LIPA: variants seen among roughly 807,000 people sequenced by gnomAD.
LIPA encodes the protein lipase A, lysosomal acid type.
In LIPA, 26 loss-of-function variants were observed where a neutral mutation model predicts 40.6. That is an observed-to-expected ratio of 0.64 (90% confidence interval 0.47 to 0.89). The LOEUF (loss-of-function observed/expected upper bound fraction) is 0.89, where lower values mean the gene tolerates loss of function less well. Ranked by LOEUF, LIPA falls within the 40% of genes least tolerant of loss-of-function variation. The pLI, the probability that LIPA is intolerant of heterozygous loss-of-function variation, is 0.00. For missense variants in LIPA, 455 were observed against 479.6 expected (o/e 0.95, Z 0.48); for synonymous variants, 188 against 168.4 (o/e 1.12, Z -0.90).
intron 2 of LIPA, among the ~76,000 whole-genome samples, chr10:89,391,530 T>A (rs1221849489): frequency 1.3e-5 from 2 of 152,034 alleles, no homozygotes; most frequent in East Asian, 1.9e-4. Flanking sequence ...ATTTTTTATT[T>A]TTTATTTATT....
intron 3 of LIPA, among the ~76,000 whole-genome samples, chr10:89,235,809 A>C (rs1378869812): frequency 6.6e-6 from 1 of 152,228 alleles, no homozygotes; most frequent in Admixed American, 6.5e-5. Flanking sequence ...GATTTGCTCA[A>C]CTCTCTCTGA....
intron 2 of LIPA, chr10:89,385,189 C>T (rs1844201612): frequency 1.9e-5 from 3 of 156,132 alleles, no homozygotes; most frequent in Admixed American, 1.9e-4. Context: ...CTCAAATAAA[C>T]TCTATACTTA....
intron 2 of LIPA, among the ~76,000 whole-genome samples, chr10:89,358,230 A>T (rs1460497957): frequency 1.3e-5 from 2 of 152,188 alleles, no homozygotes; most frequent in Non-Finnish European, 2.9e-5. Context: ...TCAAAACCAC[A>T]GTGAGATAGC....
At position 89,214,377 on chromosome 10, in the gene LIPA, T is replaced by C. The variant is rs1016594717; in HGVS notation, c.*451A>G. 1 of 163,556 alleles carries C rather than the reference T, an allele frequency of 6.1e-6. No homozygotes were observed. 10.1% of individuals were successfully genotyped at this position (163,556 alleles called of 1,614,324 possible). A position where few individuals can be genotyped will look rare whatever the true frequency, so the allele number is the denominator to read the frequency against. On this transcript the variant is annotated 3_prime_UTR_variant, in exon 10 of 10. Transcript: ENST00000336233. ...ATCTCTAACTACAAGACCGTTAGAC[T>C]AGAGAGCTCTTTAAGGCAAGGACAT...
chr10:89,332,475 C>T, intron 1 of LIPA: 1 of 1,524,348 alleles, frequency 6.6e-7, no homozygotes, highest in Non-Finnish European at 8.8e-7. Flanking sequence ...AGGGTTCCAT[C>T]AGTTTCACTT....
At chr10:89,248,214 T>G (rs1163647588) in intron 1 of LIPA, among the ~76,000 whole-genome samples, 1 of 149,272 alleles carries the variant, frequency 6.7e-6, no homozygotes, top group Non-Finnish European at 1.5e-5. Context: ...CAGGCTGGAG[T>G]GCAGTGGCAC....
intron 1 of LIPA, among the ~76,000 whole-genome samples, chr10:89,267,813 G>A (rs1054173123): frequency 4.0e-5 from 6 of 150,466 alleles, no homozygotes; most frequent in Admixed American, 1.3e-4. Flanking sequence ...TCAATCTCCT[G>A]CAGGTGCCGC....
chr10:89,348,244 G>A (rs575576656), intron 2 of LIPA, among the ~76,000 whole-genome samples: 2 of 152,274 alleles, frequency 1.3e-5, no homozygotes, highest in African/African-American at 4.8e-5. Flanking sequence ...GAACAGTTCT[G>A]AAAAACAAAA....
At chr10:89,412,756 C>T (rs1383066653) in intron 2 of LIPA, 1 of 438,584 alleles carries the variant, frequency 2.3e-6, no homozygotes. Context: ...AGGTCTGCAG[C>T]TGCACTCCTG....
chr10:89,412,800 G>A (rs201892015), exon 2 of LIPA: 1 of 264,410 alleles, frequency 3.8e-6, no homozygotes, highest in Non-Finnish European at 7.2e-6. Context: ...CCAGAAGGAA[G>A]AAACTCCAGA....
At chr10:89,359,748 G>T (rs1844009438) in intron 2 of LIPA, among the ~76,000 whole-genome samples, 1 of 152,034 alleles carries the variant, frequency 6.6e-6, no homozygotes, top group Admixed American at 6.6e-5. Flanking sequence ...TGGTTGATGG[G>T]CGTCTTCCTC....
chr10:89,358,019 CAGG>C (rs1843997222), intron 2 of LIPA, among the ~76,000 whole-genome samples: 1 of 151,994 alleles, frequency 6.6e-6, no homozygotes, highest in Admixed American at 6.6e-5. Context: ...GATATAGTGT[CAGG>C]AGAAGGATAA....
intron 2 of LIPA, among the ~76,000 whole-genome samples, chr10:89,387,490 G>A (rs1347645848): frequency 6.6e-6 from 1 of 152,052 alleles, no homozygotes; most frequent in East Asian, 1.9e-4. Flanking sequence ...AGAAAAAATT[G>A]GAGGGTATAT....
intron 1 of LIPA, among the ~76,000 whole-genome samples, chr10:89,320,286 G>T (rs568827054): frequency 2.0e-4 from 30 of 152,060 alleles, no homozygotes; most frequent in Non-Finnish European, 3.5e-4. Flanking sequence ...TTGTCCCTGT[G>T]TGCAGATGAC....
At chr10:89,356,219 T>C (rs1443833648) in intron 2 of LIPA, among the ~76,000 whole-genome samples, 2 of 151,018 alleles carry the variant, frequency 1.3e-5, no homozygotes, top group African/African-American at 4.9e-5. Flanking sequence ...ATGGGGTGAG[T>C]AGGGGGAGGA....
rs912102554 is a variant in LIPA, at chr10:89,302,196, C to T, written c.-2+40415G>A. 7.1e-6 allele frequency: 11 copies of T among 1,555,158 alleles called. No homozygotes were observed. The South Asian group carries it at 7.8e-5, about 11-fold the overall frequency. On this transcript the variant is annotated intron_variant, in intron 1 of 5. Coordinates refer to the LIPA transcript ENST00000282673. ...CTTGTCCAATGCAAATCCTGAGAAGCTATGTTCCCAAAGAGGGCCAGCTCC... is the reference window on the plus strand; with the variant it reads ...CTTGTCCAATGCAAATCCTGAGAAGTTATGTTCCCAAAGAGGGCCAGCTCC...
At chr10:89,294,733 G>A (rs974663624) in intron 1 of LIPA, among the ~76,000 whole-genome samples, 2 of 151,508 alleles carry the variant, frequency 1.3e-5, no homozygotes, top group Non-Finnish European at 2.9e-5. Flanking sequence ...CCAGCACTTT[G>A]GGATGCTGAA....
intron 1 of LIPA, among the ~76,000 whole-genome samples, chr10:89,330,642 AT>A (rs1251614926): frequency 2.6e-5 from 4 of 152,200 alleles, no homozygotes; most frequent in Non-Finnish European, 5.9e-5. Context: ...ATCCTAGGGC[AT>A]TTTAAGGATA....
At chr10:89,413,207 C>T (rs540185586) in intron 1 of LIPA, among the ~76,000 whole-genome samples, 3 of 152,288 alleles carry the variant, frequency 2.0e-5, no homozygotes, top group Non-Finnish European at 2.9e-5. Context: ...AAAGCAGATT[C>T]GTATACCTAA....
Sources: gnomAD v4.1 joint callset for allele counts (sites outside exome capture counted in the v4.1 genomes callset) on GRCh38, gnomAD v4.1.1 for gene constraint, MANE v1.5 for transcripts, NCBI Gene and HGNC (gene_info 2026-07-23, HGNC 2026-07-21) for gene names.